TRIM24: variants seen among roughly 807,000 people sequenced by gnomAD.
The protein encoded by TRIM24 is transcription intermediary factor 1-alpha.
A neutral mutation model predicts 123.9 loss-of-function variants in TRIM24; 29 were observed. The observed-to-expected ratio is 0.23, with a 90% CI of 0.17 to 0.32. TRIM24 has a LOEUF of 0.32. TRIM24 is among the 10% of genes least tolerant of loss of function. The pLI, the probability that TRIM24 is intolerant of heterozygous loss-of-function variation, is 1.00. For synonymous variants in TRIM24, 456 were observed against 461.1 expected (o/e 0.99, Z 0.14); for missense variants, 932 against 1,295.3 (o/e 0.72, Z 4.31).
At chr7:138,568,190 C>T (rs148988867) in intron 10 of TRIM24, among the ~76,000 whole-genome samples, 82 of 151,812 alleles carry the variant, frequency 5.4e-4, no homozygotes, top group African/African-American at 1.9e-3. Context: ...GCAATCTGGG[C>T]TAACTGCAAA....
intron 1 of TRIM24, among the ~76,000 whole-genome samples, chr7:138,482,046 G>A (rs922540391): frequency 3.3e-5 from 5 of 152,096 alleles, no homozygotes; most frequent in East Asian, 1.9e-4. Flanking sequence ...CTTCCTTAGC[G>A]TCTGATTTCT....
At chr7:138,580,412 C>A (rs1485583631) in intron 15 of TRIM24, 150 bp from the exon 16 acceptor site, 2 of 894,218 alleles carry the variant, frequency 2.2e-6, no homozygotes, top group African/African-American at 1.7e-5. Context: ...GTGCAGTATA[C>A]CTAGTGGTAT....
chr7:138,461,321 A>C, intron 1 of TRIM24: 1 of 501,684 alleles, frequency 2.0e-6, no homozygotes, highest in Non-Finnish European at 4.0e-6. Context: ...GATCCTGATC[A>C]TCTCGTCTAT....
intron 7 of TRIM24, chr7:138,545,411 T>G: frequency 2.2e-6 from 1 of 456,648 alleles, no homozygotes; most frequent in Non-Finnish European, 4.4e-6. Flanking sequence ...ATTGAGTAAA[T>G]AAGTAAATGG....
intron 8 of TRIM24, among the ~76,000 whole-genome samples, chr7:138,552,683 G>A (rs1206598232): frequency 6.6e-6 from 1 of 152,066 alleles, no homozygotes; most frequent in Non-Finnish European, 1.5e-5. Context: ...CAGGAAAGGA[G>A]GAAATAGGCA....
chr7:138,480,859 G>A (rs1172567684), intron 1 of TRIM24, among the ~76,000 whole-genome samples: 1 of 152,054 alleles, frequency 6.6e-6, no homozygotes, highest in Non-Finnish European at 1.5e-5. Flanking sequence ...CTTTTCCTAA[G>A]TACCAGTTAG....
At chr7:138,504,504 G>C in intron 2 of TRIM24, 96 bp downstream of exon 2, 1 of 749,850 alleles carries the variant, frequency 1.3e-6, no homozygotes, top group Non-Finnish European at 1.9e-6. Flanking sequence ...CTGTTGCCCA[G>C]GCAGGAGTTC....
intron 7 of TRIM24, among the ~76,000 whole-genome samples, chr7:138,542,683 A>G (rs1251112091): frequency 6.6e-6 from 1 of 152,222 alleles, no homozygotes; most frequent in African/African-American, 2.4e-5. Context: ...TTGTATTACT[A>G]CCTCTAAATG....
chr7:138,501,117 A>C (rs1796029378), intron 1 of TRIM24, among the ~76,000 whole-genome samples: 1 of 152,236 alleles, frequency 6.6e-6, no homozygotes, highest in East Asian at 1.9e-4. Context: ...GCAGCTCAGT[A>C]GGCTTGTTTA....
chr7:138,571,117 G>A, intron 11 of TRIM24, 114 bp downstream of exon 11: 4 of 1,095,290 alleles, frequency 3.7e-6, no homozygotes, highest in Non-Finnish European at 4.0e-6. Context: ...ATTACTTGAG[G>A]TCAGGAGTTC....
chr7:138,557,888 A>G (rs866605162), intron 9 of TRIM24, among the ~76,000 whole-genome samples: 3 of 152,240 alleles, frequency 2.0e-5, no homozygotes, highest in Non-Finnish European at 4.4e-5. Flanking sequence ...ATAGAGGTAC[A>G]GTATCCATAC....
intron 1 of TRIM24, among the ~76,000 whole-genome samples, chr7:138,463,321 A>G (rs371700612): frequency 3.3e-5 from 5 of 151,810 alleles, no homozygotes; most frequent in East Asian, 1.9e-4. Context: ...CAGTGGCACA[A>G]TCTCAGCTCA....
intron 10 of TRIM24, among the ~76,000 whole-genome samples, chr7:138,567,987 A>G (rs1797570088): frequency 1.3e-5 from 2 of 152,242 alleles, no homozygotes; most frequent in African/African-American, 2.4e-5. Context: ...AGAACAATAA[A>G]TGAATCTTTG....
chr7:138,500,846 C>T (rs1287319510), intron 1 of TRIM24, among the ~76,000 whole-genome samples: 2 of 152,076 alleles, frequency 1.3e-5, no homozygotes, highest in Non-Finnish European at 2.9e-5. Context: ...CAGCCTGTTG[C>T]TCCTAGGCTA....
intron 1 of TRIM24, among the ~76,000 whole-genome samples, chr7:138,462,385 G>A (rs1247378967): frequency 2.1e-5 from 3 of 144,148 alleles, no homozygotes; most frequent in East Asian, 4.1e-4. Context: ...CTGTCGCCCA[G>A]GCTGGAGTGC....
intron 8 of TRIM24, among the ~76,000 whole-genome samples, chr7:138,552,148 C>T (rs1310547087): frequency 6.6e-6 from 1 of 152,068 alleles, no homozygotes; most frequent in Non-Finnish European, 1.5e-5. Flanking sequence ...CGGTTTGTAG[C>T]CTAGACTCTA....
intron 12 of TRIM24, among the ~76,000 whole-genome samples, chr7:138,574,691 A>C (rs1026668182): frequency 1.3e-5 from 2 of 152,202 alleles, no homozygotes; most frequent in African/African-American, 4.8e-5. Flanking sequence ...AGGTACTCTC[A>C]TACATAGGTG....
intron 3 of TRIM24, among the ~76,000 whole-genome samples, chr7:138,516,127 G>A (rs757223430): frequency 2.0e-5 from 3 of 152,006 alleles, no homozygotes; most frequent in African/African-American, 4.8e-5. Context: ...TTGAAACCCC[G>A]TCTGTACTAA....
intron 7 of TRIM24, among the ~76,000 whole-genome samples, chr7:138,543,619 A>ATAT: frequency 1.3e-5 from 2 of 152,142 alleles, no homozygotes; most frequent in African/African-American, 4.8e-5. Flanking sequence ...TAAAAAATTT[A>ATAT]TTTATATTTT....
Sources: gnomAD v4.1 joint callset for allele counts (sites outside exome capture counted in the v4.1 genomes callset) on GRCh38, gnomAD v4.1.1 for gene constraint, MANE v1.5 for transcripts, NCBI Gene and HGNC (gene_info 2026-07-23, HGNC 2026-07-21) for gene names.